The following SLC38A10 variants were observed in gnomAD, a reference collection of about 807,000 sequenced individuals.
The protein encoded by SLC38A10 is solute carrier family 38 member 10.
SLC38A10 carries 53 observed loss-of-function variants against 81.0 expected under a neutral mutation model. The observed-to-expected ratio is 0.65, with a 90% CI of 0.53 to 0.82. SLC38A10 has a LOEUF of 0.82. Ranked by LOEUF, SLC38A10 falls within the 40% of genes least tolerant of loss-of-function variation. The pLI, the probability that SLC38A10 is intolerant of heterozygous loss-of-function variation, is 0.00. For synonymous variants in SLC38A10, 665 were observed against 655.3 expected, an observed-to-expected ratio of 1.01 and a Z score of -0.23; for missense variants, 1,471 against 1,545.0, an observed-to-expected ratio of 0.95 and a Z score of 0.80.
At position 81,273,033 on chromosome 17, in the gene SLC38A10, A is replaced by G. The variant is rs528791494; in HGVS notation, c.913-406T>C. Among the ~76,000 whole-genome samples the G allele has an allele frequency of 2.9e-3, 446 of 152,282 alleles. 1 individual carries two copies. Among genetic ancestry groups the G allele is most frequent in the African/African-American group, 0.01 (426 of 41,562 alleles). On this transcript the variant is annotated intron_variant, in intron 8 of 15. Transcript: ENST00000374759. ...ATGCCCCAGGACTCTCCTGGCCCACAGGTTTCAGGGTGCAGGCAGAACCCC... is the reference window on the plus strand; with the variant it reads ...ATGCCCCAGGACTCTCCTGGCCCACGGGTTTCAGGGTGCAGGCAGAACCCC...
Position 81,289,570 on chromosome 17 carries a change from A to G in SLC38A10, c.217+121T>C, listed in dbSNP as rs545913370. On this transcript the variant is annotated intron_variant, in intron 2 of 15. Coordinates refer to ENST00000374759, the MANE Select transcript of SLC38A10 (RefSeq NM_001037984.3). This position sits in a 1 kb window ranked among gnomAD's most constrained non-coding sequence, Gnocchi z 5.9. ...TTTTTGCAGCATTACATTTTAAAAT[A>G]AAAAAAACCCTGCTATCCAAGGAAT... The G allele has an allele frequency of 1.7e-5, 12 of 697,138 alleles. No homozygotes were observed. Among genetic ancestry groups the G allele is most frequent in the Non-Finnish European group, 2.2e-5 (10 of 464,352 alleles). The allele number at this position is 697,138 out of a possible 1,614,324, so 43.2% of individuals were successfully genotyped here.
chr17:81,261,128 C>T (rs2063019270), intron 10 of SLC38A10, among the ~76,000 whole-genome samples: 1 of 152,256 alleles, frequency 6.6e-6, no homozygotes, highest in Non-Finnish European at 1.5e-5. Context: ...ACCTAGTCCT[C>T]CCTCCTTCCC....
In SLC38A10 at chr17:81,260,279, T is replaced by G. The variant is rs886569764; in HGVS notation, c.1247A>C (p.Glu416Ala). ...CTCCACCTTCATCAAACCCTCGGCC[T>G]CTCCAAGCCGGCCGCCAGGGGCTTC... is the stretch of plus-strand genomic sequence containing the variant. Reference protein sequence around the residue: ...AEEAPGGRLGEAEGLMKVEAA... With the variant: ...AEEAPGGRLGAAEGLMKVEAA... Residue 416 changes from glutamate (E) to alanine (A), a missense_variant, in exon 11 of 16, where the codon GAG (glutamate) becomes GCG (alanine). Glu to Ala is a moderately radical substitution (Grantham distance 107). This residue lies in a region of SLC38A10 where 720 missense variants were observed against 827.7 expected (regional missense o/e 0.87). Transcript: ENST00000374759. 4 of 1,606,010 alleles carry G rather than the reference T, an allele frequency of 2.5e-6. No individual in the cohort carries two copies. The highest frequency in any genetic ancestry group is 1.7e-5 in the Admixed American group (1 of 58,798).
intron 14 of SLC38A10, among the ~76,000 whole-genome samples, chr17:81,250,506 C>T (rs1195873488): frequency 2.6e-5 from 4 of 152,178 alleles, no homozygotes; most frequent in South Asian, 2.1e-4. Context: ...AGGGCTGGCC[C>T]GGAGCTCCCA....
chr17:81,248,844 G>A (rs959215794), intron 14 of SLC38A10, among the ~76,000 whole-genome samples: 30 of 152,194 alleles, frequency 2.0e-4, no homozygotes, highest in African/African-American at 7.2e-4. Context: ...AGGGCCATGG[G>A]GCCGGCCCTC....
intron 10 of SLC38A10, among the ~76,000 whole-genome samples, chr17:81,260,896 G>A (rs1052694153): frequency 1.3e-5 from 2 of 152,254 alleles, no homozygotes; most frequent in Admixed American, 6.5e-5. Flanking sequence ...CATGCTGTCC[G>A]CAAAGCGAGT....
At chr17:81,258,958 C>T (rs887000076) in intron 11 of SLC38A10, among the ~76,000 whole-genome samples, 2 of 152,220 alleles carry the variant, frequency 1.3e-5, no homozygotes, top group African/African-American at 4.8e-5. Context: ...CTTCGCCATC[C>T]GGGAACAGTC....
chr17:81,282,369 G>T, intron 4 of SLC38A10, 37 bp from the exon 5 acceptor site: 2 of 1,576,922 alleles, frequency 1.3e-6, no homozygotes, highest in Non-Finnish European at 1.7e-6. Flanking sequence ...GCCACAGCCC[G>T]TGCCTGCTCA....
chr17:81,251,385 G>A (rs776381004), intron 14 of SLC38A10, 108 bp downstream of exon 14: 1 of 1,612,514 alleles, frequency 6.2e-7, no homozygotes, highest in Non-Finnish European at 8.5e-7. Context: ...AAAGAGAAGG[G>A]GGGCCTGGCA....
chr17:81,291,606 C>T (rs559565611), intron 1 of SLC38A10, among the ~76,000 whole-genome samples: 61 of 152,282 alleles, frequency 4.0e-4, no homozygotes, highest in African/African-American at 1.4e-3. Flanking sequence ...GGATGCGGGC[C>T]GGCATGTGCA....
rs1051262234 is a variant in SLC38A10, at chr17:81,265,990, G to A, written c.1131+4928C>T. On this transcript the variant is annotated intron_variant, in intron 10 of 15. Coordinates refer to ENST00000374759, the MANE Select transcript of SLC38A10 (RefSeq NM_001037984.3). This position sits in a 1 kb window ranked among gnomAD's most constrained non-coding sequence, Gnocchi z 4.2. ...CAAAAGACATGGCAAAGCAGGCACAGAGAGATGCTTCTTTCACCCAATTCT... is the reference window on the plus strand; with the variant it reads ...CAAAAGACATGGCAAAGCAGGCACAAAGAGATGCTTCTTTCACCCAATTCT... Among the ~76,000 whole-genome samples the A allele has an allele frequency of 1.3e-5, 2 of 152,262 alleles. No homozygotes were observed. Among genetic ancestry groups the A allele is most frequent in the African/African-American group, 4.8e-5 (2 of 41,470 alleles).
rs2063236327 is a variant in SLC38A10 at position 81,283,617 on chromosome 17, C to CA, written c.264-116_264-115insT. On this transcript the variant is annotated intron_variant, in intron 3 of 15. Transcript: ENST00000374759. The surrounding 1 kb of genome is among the most constrained non-coding windows in gnomAD (Gnocchi z 4.7). ...GAATGACAGATGTGATTTCTTTTTT[C>CA]TTTTTTTTTTTTTTGAAACAGAGTC... 1.9e-6 allele frequency: 1 copy of CA among 517,518 alleles called. No homozygotes were observed. Among genetic ancestry groups the CA allele is most frequent in the Non-Finnish European group, 3.3e-6 (1 of 301,192 alleles). 32.1% of individuals were successfully genotyped at this position (517,518 alleles called of 1,614,324 possible). A position where few individuals can be genotyped will look rare whatever the true frequency, so the allele number is the denominator to read the frequency against.
intron 13 of SLC38A10, chr17:81,251,922 G>T: frequency 1.9e-6 from 1 of 534,574 alleles, no homozygotes; most frequent in Non-Finnish European, 3.1e-6. Flanking sequence ...CCCCCGCGCC[G>T]CCCCCCGTGT....
intron 10 of SLC38A10, chr17:81,263,977 C>A (rs1014420023): frequency 1.3e-5 from 2 of 152,304 alleles, no homozygotes; most frequent in African/African-American, 4.8e-5. Context: ...AGAACTCTGC[C>A]GGGGACTGGG....
In SLC38A10 at chr17:81,276,080, G is replaced by A. The variant is rs761069885; in HGVS notation, c.801C>T (p.Asn267=). The part of the protein sequence containing the change: ...AGNVLMHFPS[N]LVTEMLRVGF... ...CCACACGGAGCATCTCCGTCACCAG[G>A]TTGGAGGGAAAGTGCATGAGCACGT... Residue 267 remains asparagine (N), a synonymous_variant, in exon 8 of 16, where the codon AAC becomes AAT. Transcript: ENST00000374759. The surrounding 1 kb of genome is among the most constrained non-coding windows in gnomAD (Gnocchi z 4.7). 5.0e-6 allele frequency: 8 copies of A among 1,613,892 alleles called. No homozygotes were observed. Among genetic ancestry groups the A allele is most frequent in the Middle Eastern group, 1.6e-4 (1 of 6,084 alleles).
intron 6 of SLC38A10, 139 bp downstream of exon 6, chr17:81,280,470 G>T: frequency 7.7e-7 from 1 of 1,297,112 alleles, no homozygotes; most frequent in Non-Finnish European, 1.0e-6. Flanking sequence ...GGGCGGGAAA[G>T]GTCATCACTG....
In SLC38A10 at chr17:81,273,914, G is replaced by A. The variant is rs573420329; in HGVS notation, c.913-1287C>T. On this transcript the variant is annotated intron_variant, in intron 8 of 15. Coordinates refer to ENST00000374759, the MANE Select transcript of SLC38A10 (RefSeq NM_001037984.3). ...ACATGGGCCGAAGACAAGAAAGCAGGTGGCATGGCCGCAGCCGCACCTCCG... is the reference window on the plus strand; with the variant it reads ...ACATGGGCCGAAGACAAGAAAGCAGATGGCATGGCCGCAGCCGCACCTCCG... Among the ~76,000 whole-genome samples the A allele has an allele frequency of 2.6e-5, 4 of 152,340 alleles. No homozygotes were observed. The East Asian group carries it at 7.7e-4, about 29-fold the overall frequency.
Position 81,283,182 on chromosome 17 carries a change from T to C in SLC38A10, c.357+227A>G, listed in dbSNP as rs2063230982. On this transcript the variant is annotated intron_variant, in intron 4 of 15. Coordinates refer to ENST00000374759, the MANE Select transcript of SLC38A10 (RefSeq NM_001037984.3). This position sits in a 1 kb window ranked among gnomAD's most constrained non-coding sequence, Gnocchi z 4.7. ...GGTCTGAGGCTCCCCCACCCGCCCC[T>C]CATCTACATGGTGTCAGACTCTGCC... Among the ~76,000 whole-genome samples the C allele has an allele frequency of 6.6e-6, 1 of 150,704 alleles. No individual in the cohort carries two copies. Among genetic ancestry groups the C allele is most frequent in the Non-Finnish European group, 1.5e-5 (1 of 67,740 alleles).
chr17:81,282,453 C>T (rs920119324), intron 4 of SLC38A10, 121 bp from the exon 5 acceptor site: 14 of 1,375,890 alleles, frequency 1.0e-5, no homozygotes, highest in East Asian at 5.1e-5. Context: ...AGGTGAATGA[C>T]GCCGGCGGGT....
Sources: gnomAD v4.1 joint callset for allele counts (sites outside exome capture counted in the v4.1 genomes callset) on GRCh38, gnomAD v4.1.1 for gene constraint, gnomAD v4.1.1 regional missense constraint, Gnocchi (gnomAD v3.1) non-coding constraint, MANE v1.5 for transcripts, NCBI Gene and HGNC (gene_info 2026-07-23, HGNC 2026-07-21) for gene names.